The following PAPPA variants were observed in gnomAD, a reference collection of about 807,000 sequenced individuals.
The protein encoded by PAPPA is pappalysin 1, also known as pappalysin-1.
PAPPA carries 60 observed loss-of-function variants against 164.0 expected under a neutral mutation model. The observed-to-expected ratio is 0.37, with a 90% CI of 0.30 to 0.45. PAPPA has a LOEUF of 0.45. PAPPA is among the 20% of genes least tolerant of loss of function. PAPPA has a pLI of 1.00. For missense variants in PAPPA, 1,782 were observed against 2,087.3 expected (o/e 0.85, Z 2.85); for synonymous variants, 875 against 814.1 (o/e 1.07, Z -1.27).
chr9:116,156,322 A>G (rs539660389), intron 1 of PAPPA, among the ~76,000 whole-genome samples: 2 of 96,294 alleles, frequency 2.1e-5, no homozygotes, highest in African/African-American at 3.1e-5. Context: ...ATATGTGTGT[A>G]TATATATATG....
At chr9:116,169,967 C>G (rs1400421132) in intron 1 of PAPPA, among the ~76,000 whole-genome samples, 5 of 151,882 alleles carry the variant, frequency 3.3e-5, no homozygotes, top group Non-Finnish European at 7.4e-5. Flanking sequence ...AATACGAGTA[C>G]CAAGTGAAAT....
intron 9 of PAPPA, among the ~76,000 whole-genome samples, chr9:116,276,661 TC>T (rs1315959403): frequency 6.6e-6 from 1 of 152,214 alleles, no homozygotes; most frequent in Non-Finnish European, 1.5e-5. Flanking sequence ...GACCCCCACG[TC>T]GTCTTTCCCA....
chr9:116,371,888 T>C (rs1846579702), intron 19 of PAPPA, among the ~76,000 whole-genome samples: 2 of 152,202 alleles, frequency 1.3e-5, no homozygotes, highest in South Asian at 2.1e-4. Flanking sequence ...TCTATTGCTA[T>C]GGATTGGTTT....
At chr9:116,242,431 C>T (rs557772086) in intron 7 of PAPPA, among the ~76,000 whole-genome samples, 2 of 152,332 alleles carry the variant, frequency 1.3e-5, no homozygotes, top group African/African-American at 4.8e-5. Flanking sequence ...AACCACAGAT[C>T]AAATGTACAG....
At chr9:116,307,020 A>G (rs942326550) in intron 10 of PAPPA, among the ~76,000 whole-genome samples, 2 of 152,208 alleles carry the variant, frequency 1.3e-5, no homozygotes, top group Non-Finnish European at 2.9e-5. Context: ...TTGAGGGCCA[A>G]AGTAAAGAAA....
intron 3 of PAPPA, among the ~76,000 whole-genome samples, chr9:116,209,635 G>A (rs565156212): frequency 6.6e-6 from 1 of 152,244 alleles, no homozygotes; most frequent in South Asian, 2.1e-4. Context: ...ACAGGACTGG[G>A]GCCCAAGTGC....
Position 116,334,907 on chromosome 9 carries a change from G to C in PAPPA, c.3444G>C (p.Val1148=). Residue 1148 remains valine (V), a synonymous_variant, in exon 13 of 22, where the codon GTG becomes GTC. Transcript: ENST00000328252. ...GGAACAATCCCCTGATTATCCCTGTGGTCCATGACCTCAGCCAGCCCTTCT... is the reference window on the plus strand; with the variant it reads ...GGAACAATCCCCTGATTATCCCTGTCGTCCATGACCTCAGCCAGCCCTTCT... ...SCRNNPLIIP[V]VHDLSQPFYH... The C allele has an allele frequency of 6.2e-7, 1 of 1,613,844 alleles. No homozygotes were observed. The highest frequency in any genetic ancestry group is 8.5e-7 in the Non-Finnish European group (1 of 1,179,948).
chr9:116,177,655 G>A (rs1455072577), intron 1 of PAPPA, among the ~76,000 whole-genome samples: 1 of 152,168 alleles, frequency 6.6e-6, no homozygotes, highest in Admixed American at 6.5e-5. Context: ...CTGGCAAGTG[G>A]TATCATTGTC....
At position 116,347,586 on chromosome 9, in the gene PAPPA, C is replaced by T. The variant is rs1005303210; in HGVS notation, c.3964+377C>T. On this transcript the variant is annotated intron_variant, in intron 15 of 21. Transcript: ENST00000328252. The surrounding 1 kb of genome is among the most constrained non-coding windows in gnomAD (Gnocchi z 4.5). Reference sequence around the variant, plus strand: ...GGGCCAGTAAGCCTTATGAGGTAAGCGTTACTATTATTCCCATTTCACAGA... The same window carrying T: ...GGGCCAGTAAGCCTTATGAGGTAAGTGTTACTATTATTCCCATTTCACAGA... Among the ~76,000 whole-genome samples, 4 of 152,244 alleles carry T rather than the reference C, an allele frequency of 2.6e-5. No individual in the cohort carries two copies. The highest frequency in any genetic ancestry group is 1.9e-4 in the East Asian group (1 of 5,176).
chr9:116,321,905 T>C (rs1255013955), intron 10 of PAPPA, among the ~76,000 whole-genome samples: 2 of 152,162 alleles, frequency 1.3e-5, no homozygotes, highest in African/African-American at 4.8e-5. Context: ...CTCAAGGGTA[T>C]GGACCAAGAG....
chr9:116,155,417 A>G (rs891644447), intron 1 of PAPPA, among the ~76,000 whole-genome samples: 6 of 152,136 alleles, frequency 3.9e-5, no homozygotes, highest in African/African-American at 7.2e-5. Flanking sequence ...TCCAGCATCC[A>G]TTTTCCCCCC....
chr9:116,199,650 A>C (rs1055992418), intron 2 of PAPPA, among the ~76,000 whole-genome samples: 1 of 152,154 alleles, frequency 6.6e-6, no homozygotes. Context: ...TCCATTGCCT[A>C]GTATACAAGA....
chr9:116,324,009 T>C (rs530825142), intron 10 of PAPPA, among the ~76,000 whole-genome samples: 1 of 152,146 alleles, frequency 6.6e-6, no homozygotes, highest in African/African-American at 2.4e-5. Context: ...AAAAGGCCTG[T>C]TTTGGTCTGT....
intron 20 of PAPPA, among the ~76,000 whole-genome samples, 187 bp from the exon 21 acceptor site, chr9:116,382,208 A>ATTCT (rs1846741265): frequency 6.6e-6 from 1 of 152,094 alleles, no homozygotes; most frequent in Non-Finnish European, 1.5e-5. Flanking sequence ...AGAAAGAAAG[A>ATTCT]TAAGAGTCTT....
intron 9 of PAPPA, among the ~76,000 whole-genome samples, chr9:116,289,104 G>C (rs1845381539): frequency 9.6e-6 from 1 of 104,392 alleles, no homozygotes; most frequent in Admixed American, 1.2e-4. Context: ...CTGGATTGCA[G>C]AATAGATATG....
intron 7 of PAPPA, among the ~76,000 whole-genome samples, chr9:116,240,749 G>C (rs142787811): frequency 2.8e-4 from 42 of 152,314 alleles, no homozygotes; most frequent in African/African-American, 9.9e-4. Context: ...CAGCTATCAA[G>C]GGGCAAAGCT....
intron 19 of PAPPA, among the ~76,000 whole-genome samples, chr9:116,376,020 G>GC (rs1846645475): frequency 9.8e-6 from 1 of 101,992 alleles, no homozygotes; most frequent in African/African-American, 4.0e-5. Context: ...GAACTTCCAG[G>GC]ATTTTTTTTT....
intron 1 of PAPPA, among the ~76,000 whole-genome samples, chr9:116,185,189 A>C (rs774051581): frequency 6.6e-6 from 1 of 152,196 alleles, no homozygotes; most frequent in Non-Finnish European, 1.5e-5. Context: ...CCAGATAGAG[A>C]ATCAGGACCC....
intron 10 of PAPPA, among the ~76,000 whole-genome samples, chr9:116,322,207 A>T (rs1157881322): frequency 6.6e-6 from 1 of 151,970 alleles, no homozygotes; most frequent in East Asian, 1.9e-4. Context: ...CAGGTGGATC[A>T]CCTGACGCCT....
Sources: allele counts gnomAD v4.1 joint callset (sites outside exome capture counted in the v4.1 genomes callset), GRCh38; gene constraint gnomAD v4.1.1; non-coding constraint Gnocchi (gnomAD v3.1); transcripts MANE v1.5; gene names NCBI Gene and HGNC (gene_info 2026-07-23, HGNC 2026-07-21).